The following PAK4 variants were observed in gnomAD, a reference collection of about 807,000 sequenced individuals.
PAK4 encodes serine/threonine-protein kinase PAK 4.
PAK4 carries 49 observed loss-of-function variants against 53.5 expected under a neutral mutation model. The ratio of observed to expected loss-of-function variants is 0.92; its 90% CI spans 0.73 to 1.16. The LOEUF (loss-of-function observed/expected upper bound fraction) is 1.16, where lower values mean the gene tolerates loss of function less well. Ranked by LOEUF, PAK4 falls within the 50% of genes most tolerant of loss-of-function variation. The probability of loss-of-function intolerance (pLI) is 0.00; values close to 1 mark genes in which losing one functional copy is unlikely to be tolerated. For synonymous variants in PAK4, 376 were observed against 375.6 expected (o/e 1.00, Z -0.01); for missense variants, 824 against 850.7 (o/e 0.97, Z 0.39).
At chr19:39,167,806 A>AG (rs2144808834) in intron 1 of PAK4, among the ~76,000 whole-genome samples, 1 of 152,222 alleles carries the variant, frequency 6.6e-6, no homozygotes, top group South Asian at 2.1e-4. Context: ...CTGAGCCGGG[A>AG]GGAGAAGTAG....
chr19:39,178,406 T>G lies in PAK4; in HGVS notation c.1621-18T>G. 1.3e-6 allele frequency: 2 copies of G among 1,569,012 alleles called. No individual in the cohort carries two copies. Among genetic ancestry groups the G allele is most frequent in the Non-Finnish European group, 1.7e-6 (2 of 1,158,030 alleles). ...AGTGGGGAGCCTCGCCCCCTGACCC[T>G]CCCCTCCTTCTCGACAGGTGTCGCC... On this transcript the variant is annotated intron_variant, in intron 8 of 8. Coordinates refer to ENST00000358301, the Ensembl canonical transcript of PAK4. This position sits in a 1 kb window ranked among gnomAD's most constrained non-coding sequence, Gnocchi z 4.4.
intron 1 of PAK4, among the ~76,000 whole-genome samples, chr19:39,144,689 C>T (rs2073971068): frequency 6.6e-6 from 1 of 152,196 alleles, no homozygotes; most frequent in African/African-American, 2.4e-5. Context: ...GTCTTCCTTG[C>T]AGGAAACAGG....
At chr19:39,153,587 G>A (rs1489832489) in intron 1 of PAK4, among the ~76,000 whole-genome samples, 2 of 152,162 alleles carry the variant, frequency 1.3e-5, no homozygotes, top group Admixed American at 6.5e-5. Flanking sequence ...GATTACAGGC[G>A]CCTACCGCCA....
intron 1 of PAK4, among the ~76,000 whole-genome samples, chr19:39,130,232 T>TG (rs1160280819): frequency 3.2e-5 from 1 of 31,632 alleles, no homozygotes; most frequent in Non-Finnish European, 5.8e-5. Flanking sequence ...AGGGTGGGAC[T>TG]GGGGGGGACC....
At chr19:39,138,523 G>A (rs1441306437) in intron 1 of PAK4, among the ~76,000 whole-genome samples, 3 of 152,172 alleles carry the variant, frequency 2.0e-5, no homozygotes, top group South Asian at 2.1e-4. Context: ...TCCAGCCGAC[G>A]CCTTGCCCAC....
chr19:39,163,355 C>T (rs1452296959), intron 1 of PAK4, among the ~76,000 whole-genome samples: 1 of 152,232 alleles, frequency 6.6e-6, no homozygotes, highest in Non-Finnish European at 1.5e-5. Context: ...GGCCAGCCCC[C>T]TCCCTTCCAG....
intron 2 of PAK4, 64 bp from the exon 4 acceptor site, chr19:39,172,854 G>T: frequency 7.4e-7 from 1 of 1,344,406 alleles, no homozygotes; most frequent in Middle Eastern, 2.6e-4. Context: ...CCTGCGTGTC[G>T]GATGCACGTC....
chr19:39,137,669 CTTTT>C (rs754678702), intron 1 of PAK4, among the ~76,000 whole-genome samples: 1 of 140,288 alleles, frequency 7.1e-6, no homozygotes. Flanking sequence ...GGTCACTTTC[CTTTT>C]TTTTTTTTTT....
intron 1 of PAK4, among the ~76,000 whole-genome samples, chr19:39,158,427 C>A (rs1318125725): frequency 1.3e-5 from 2 of 152,146 alleles, no homozygotes; most frequent in Non-Finnish European, 2.9e-5. Flanking sequence ...GGGGCAGGGC[C>A]TCTTTCCTGC....
intron 1 of PAK4, among the ~76,000 whole-genome samples, chr19:39,149,988 CAT>C (rs372919693): frequency 2.0e-3 from 306 of 152,232 alleles, no homozygotes; most frequent in African/African-American, 6.2e-3. Context: ...GAATGATAAA[CAT>C]GTTTGAATAT....
intron 1 of PAK4, among the ~76,000 whole-genome samples, chr19:39,142,891 T>TA (rs1228606654): frequency 1.3e-5 from 2 of 152,156 alleles, no homozygotes; most frequent in Non-Finnish European, 2.9e-5. Flanking sequence ...GCCCTTCCAC[T>TA]TCTGCATTTT....
At chr19:39,145,046 C>G (rs995753969) in intron 1 of PAK4, among the ~76,000 whole-genome samples, 1 of 152,156 alleles carries the variant, frequency 6.6e-6, no homozygotes. Context: ...CCTGAAAGCC[C>G]TCTCCTTCAC....
At chr19:39,155,254 T>C (rs979062835) in intron 1 of PAK4, among the ~76,000 whole-genome samples, 2 of 152,120 alleles carry the variant, frequency 1.3e-5, no homozygotes. Context: ...CAGGAAGTTT[T>C]GTGGAGTTTG....
At chr19:39,156,082 C>T (rs1385628713) in intron 1 of PAK4, among the ~76,000 whole-genome samples, 1 of 152,208 alleles carries the variant, frequency 6.6e-6, no homozygotes, top group Non-Finnish European at 1.5e-5. Flanking sequence ...GATATGGGGG[C>T]TTCACCGTGG....
chr19:39,130,343 G>A (rs77160112), intron 1 of PAK4, among the ~76,000 whole-genome samples: 2,184 of 128,506 alleles, frequency 0.017, 66 homozygotes, highest in African/African-American at 0.058. Flanking sequence ...GGTGGGGAGG[G>A]GCACAGAGAG....
At chr19:39,132,953 A>G (rs915274984) in intron 1 of PAK4, among the ~76,000 whole-genome samples, 4 of 152,220 alleles carry the variant, frequency 2.6e-5, no homozygotes, top group Admixed American at 1.3e-4. Context: ...CTTTTCTTGG[A>G]GCTGTCTATT....
chr19:39,175,495 C>T lies in PAK4; in HGVS notation c.1359+57C>T, dbSNP rs2074586780. ...GCAGGTTTCCGGCTGCGGGGCTTCC[C>T]TGCCTCTTCCCATCCCCTGTGAGGG... On this transcript the variant is annotated intron_variant, in intron 6 of 8. Transcript: ENST00000358301. This position sits in a 1 kb window ranked among gnomAD's most constrained non-coding sequence, Gnocchi z 4.7. The T allele has an allele frequency of 4.6e-6, 7 of 1,523,788 alleles. No homozygotes were observed. In the East Asian group the frequency reaches 1.2e-4, roughly 25 times the overall value. The allele number at this position is 1,523,788 out of a possible 1,614,324, so 94.4% of individuals were successfully genotyped here. A position where few individuals can be genotyped will look rare whatever the true frequency, so the allele number is the denominator to read the frequency against.
At chr19:39,166,316 C>T (rs2074375027) in intron 1 of PAK4, among the ~76,000 whole-genome samples, 2 of 152,128 alleles carry the variant, frequency 1.3e-5, no homozygotes, top group Admixed American at 6.5e-5. Flanking sequence ...TGGTGGCAGG[C>T]GCCTGTAATC....
rs556073880 is a variant in PAK4, at chr19:39,160,247, G to A, written c.-22-9285G>A. Among the ~76,000 whole-genome samples the A allele has an allele frequency of 3.9e-5, 6 of 152,308 alleles. No individual in the cohort carries two copies. In the East Asian group the frequency reaches 5.8e-4, roughly 15 times the overall value. Reference sequence around the variant, plus strand: ...TCTCGGCCCCATCCCCGTGCCCTGCGCCTCCTCAGGGACCAGGCTCATTAC... The same window carrying A: ...TCTCGGCCCCATCCCCGTGCCCTGCACCTCCTCAGGGACCAGGCTCATTAC... On this transcript the variant is annotated intron_variant, in intron 1 of 8. Coordinates refer to ENST00000358301, the Ensembl canonical transcript of PAK4.
Sources: allele counts gnomAD v4.1 joint callset (sites outside exome capture counted in the v4.1 genomes callset), GRCh38; gene constraint gnomAD v4.1.1; non-coding constraint Gnocchi (gnomAD v3.1); transcripts MANE v1.5; gene names NCBI Gene and HGNC (gene_info 2026-07-23, HGNC 2026-07-21).